TMCO4: variants seen among roughly 807,000 people sequenced by gnomAD.
The protein encoded by TMCO4 is transmembrane and coiled-coil domains 4, also known as transmembrane and coiled-coil domain-containing protein 4.
TMCO4 carries 58 observed loss-of-function variants against 64.7 expected under a neutral mutation model. The ratio of observed to expected loss-of-function variants is 0.90; its 90% confidence interval spans 0.73 to 1.12. TMCO4 has a LOEUF of 1.12. Ranked by LOEUF, TMCO4 falls within the 50% of genes most tolerant of loss-of-function variation. TMCO4 has a pLI of 0.00. For synonymous variants in TMCO4, 325 were observed against 346.1 expected (o/e 0.94, Z 0.68); for missense variants, 780 against 825.9 (o/e 0.94, Z 0.68).
rs891513549 is a variant in TMCO4 at position 19,755,870 on chromosome 1, T to TA, written c.383-105dup. 9 of 1,334,858 alleles carry TA rather than the reference T, an allele frequency of 6.7e-6. No individual in the cohort carries two copies. In the African/African-American group the frequency reaches 1.2e-4, roughly 17 times the overall value. The allele number at this position is 1,334,858 out of a possible 1,614,324, so 82.7% of individuals were successfully genotyped here. ...ACCCACACTAGAAACAGCCTAAATG[T>TA]ACAACCCCATGGGAGCCAGTCAATG... On this transcript the variant is annotated intron_variant, in intron 6 of 15. Coordinates refer to ENST00000294543, the MANE Select transcript of TMCO4 (RefSeq NM_181719.7).
intron 6 of TMCO4, among the ~76,000 whole-genome samples, chr1:19,757,384 T>C (rs1472891425): frequency 6.6e-6 from 1 of 152,166 alleles, no homozygotes. Flanking sequence ...TGGTCACATG[T>C]CCTGCTCTGA....
Position 19,743,030 on chromosome 1 carries a change from T to C in TMCO4, c.878-2089A>G, listed in dbSNP as rs1002026805. 2.0e-5 allele frequency among the ~76,000 whole-genome samples: 3 copies of C among 151,882 alleles called. No individual in the cohort carries two copies. Among genetic ancestry groups the C allele is most frequent in the South Asian group, 2.1e-4 (1 of 4,808 alleles). ...GCGCCACTGCACTCCAGCCTGGTGA[T>C]ACAGCAAGACTCCGTCTCCAAAAGA... On this transcript the variant is annotated intron_variant, in intron 10 of 15. Coordinates refer to ENST00000294543, the MANE Select transcript of TMCO4 (RefSeq NM_181719.7). This position sits in a 1 kb window ranked among gnomAD's most constrained non-coding sequence, Gnocchi z 4.1.
intron 13 of TMCO4, among the ~76,000 whole-genome samples, chr1:19,733,526 G>C (rs1216576071): frequency 6.6e-6 from 1 of 152,140 alleles, no homozygotes; most frequent in African/African-American, 2.4e-5. Flanking sequence ...GAGAAACAGG[G>C]CCCCTGCCCA....
intron 6 of TMCO4, among the ~76,000 whole-genome samples, chr1:19,767,912 T>C (rs1423165758): frequency 6.6e-6 from 1 of 151,796 alleles, no homozygotes; most frequent in East Asian, 1.9e-4. Flanking sequence ...GCCGACATGG[T>C]GAAACCCCAT....
intron 2 of TMCO4, among the ~76,000 whole-genome samples, chr1:19,792,016 C>T (rs139379822): frequency 6.6e-6 from 1 of 152,282 alleles, no homozygotes; most frequent in East Asian, 1.9e-4. Context: ...ACTTTTCGCT[C>T]GGTTCTCACT....
At chr1:19,758,565 T>C (rs2042365829) in intron 6 of TMCO4, among the ~76,000 whole-genome samples, 1 of 152,210 alleles carries the variant, frequency 6.6e-6, no homozygotes. Flanking sequence ...TTTTGTATCT[T>C]AGCCTTGTGT....
intron 13 of TMCO4, among the ~76,000 whole-genome samples, chr1:19,703,832 A>C (rs1465379579): frequency 1.3e-5 from 2 of 151,996 alleles, no homozygotes; most frequent in Non-Finnish European, 1.5e-5. Context: ...ACAGGCATGA[A>C]CCACCACGCC....
intron 4 of TMCO4, among the ~76,000 whole-genome samples, chr1:19,779,781 T>C (rs1215069043): frequency 6.6e-6 from 1 of 152,244 alleles, no homozygotes; most frequent in Non-Finnish European, 1.5e-5. Context: ...GCATGTTTCA[T>C]GAATGAATAA....
At chr1:19,723,110 A>T (rs937277076) in intron 13 of TMCO4, among the ~76,000 whole-genome samples, 3 of 152,170 alleles carry the variant, frequency 2.0e-5, no homozygotes, top group African/African-American at 7.2e-5. Flanking sequence ...TCTGGCCCTT[A>T]TCTGAAATGC....
chr1:19,797,114 G>C (rs1186740355), intron 2 of TMCO4, among the ~76,000 whole-genome samples: 1 of 152,114 alleles, frequency 6.6e-6, no homozygotes, highest in African/African-American at 2.4e-5. Flanking sequence ...TTTATATAAA[G>C]TGAGGTCCCC....
In TMCO4 at chr1:19,739,836, G is replaced by A. The variant is rs765006414; in HGVS notation, c.1167C>T (p.Leu389=). ...CATTCCCAGGTACCTGCTGCCGGGA[G>A]AGCAGGATGTGGGCCAGGTGCTTGC... is the stretch of plus-strand genomic sequence containing the variant. ...EVGKHLAHIL[L]SRQQGRRPVT... The change falls in exon 12 of 16, where the codon CTC becomes CTT. Residue 389 remains leucine (L), a synonymous_variant. Coordinates refer to ENST00000294543, the MANE Select transcript of TMCO4 (RefSeq NM_181719.7). 4 of 1,613,432 alleles carry A rather than the reference G, an allele frequency of 2.5e-6. No homozygotes were observed. The highest frequency in any genetic ancestry group is 2.5e-6 in the Non-Finnish European group (3 of 1,179,842).
At position 19,734,460 on chromosome 1, in the gene TMCO4, C is replaced by A. The variant is rs570579514; in HGVS notation, c.1264+2912G>T. On this transcript the variant is annotated intron_variant, in intron 13 of 15. Transcript: ENST00000294543. The surrounding 1 kb of genome is among the most constrained non-coding windows in gnomAD (Gnocchi z 4.4). ...ACCAGTGCCCCCGGGTCCTCCTTGG[C>A]AGGATCCACTCAGTTACTCATTCAC... Among the ~76,000 whole-genome samples the A allele has an allele frequency of 6.6e-6, 1 of 152,234 alleles. No homozygotes were observed. The highest frequency in any genetic ancestry group is 2.4e-5 in the African/African-American group (1 of 41,542).
At chr1:19,705,762 A>G (rs1371026686) in intron 13 of TMCO4, among the ~76,000 whole-genome samples, 2 of 151,846 alleles carry the variant, frequency 1.3e-5, no homozygotes, top group Admixed American at 6.6e-5. Flanking sequence ...GAAAAAGACG[A>G]TACTGGCTGC....
At chr1:19,712,781 A>G (rs2095337336) in intron 13 of TMCO4, among the ~76,000 whole-genome samples, 3 of 152,230 alleles carry the variant, frequency 2.0e-5, no homozygotes, top group African/African-American at 7.2e-5. Flanking sequence ...TATGTCTTCT[A>G]TCAGTTAGCT....
chr1:19,726,894 C>T (rs1344952058), intron 13 of TMCO4, among the ~76,000 whole-genome samples: 3 of 152,222 alleles, frequency 2.0e-5, no homozygotes, highest in African/African-American at 7.2e-5. Context: ...ATTTAAAATA[C>T]TCATCCAGAA....
intron 2 of TMCO4, among the ~76,000 whole-genome samples, chr1:19,790,242 C>T (rs2043962969): frequency 6.6e-6 from 1 of 152,072 alleles, no homozygotes; most frequent in Non-Finnish European, 1.5e-5. Context: ...CAATACCATT[C>T]AGCACATAGG....
chr1:19,712,576 T>C (rs1221758183), intron 13 of TMCO4, among the ~76,000 whole-genome samples: 2 of 147,242 alleles, frequency 1.4e-5, no homozygotes, highest in Non-Finnish European at 3.0e-5. Context: ...GCTGAGACCA[T>C]GCCACTGCAC....
At chr1:19,697,122 G>A (rs549718967) in intron 14 of TMCO4, among the ~76,000 whole-genome samples, 2 of 152,214 alleles carry the variant, frequency 1.3e-5, no homozygotes, top group Non-Finnish European at 2.9e-5. Context: ...GCCTGTGCTG[G>A]ACGTGTGTGT....
intron 13 of TMCO4, among the ~76,000 whole-genome samples, chr1:19,722,989 C>CACAT (rs1277381538): frequency 6.6e-6 from 1 of 152,148 alleles, no homozygotes; most frequent in Admixed American, 6.5e-5. Flanking sequence ...ACTGATGGGA[C>CACAT]ACATGTACTA....
Sources: allele counts gnomAD v4.1 joint callset (sites outside exome capture counted in the v4.1 genomes callset), GRCh38; gene constraint gnomAD v4.1.1; non-coding constraint Gnocchi (gnomAD v3.1); transcripts MANE v1.5; gene names NCBI Gene and HGNC (gene_info 2026-07-23, HGNC 2026-07-21).